Variants in EPHA3 observed in about 807,000 individuals in gnomAD.
The protein encoded by EPHA3 is EPH receptor A3.
In EPHA3, 42 loss-of-function variants were observed where a neutral mutation model predicts 107.1. That is an observed-to-expected ratio of 0.39 (90% CI 0.31 to 0.51). The LOEUF is 0.51. Ranked by LOEUF, EPHA3 falls within the 20% of genes least tolerant of loss-of-function variation. EPHA3 has a pLI of 0.78. For missense variants in EPHA3, 1,183 were observed against 1,211.2 expected, an observed-to-expected ratio of 0.98 and a Z score of 0.35; for synonymous variants, 461 against 424.8, an observed-to-expected ratio of 1.09 and a Z score of -1.05.
intron 5 of EPHA3, among the ~76,000 whole-genome samples, chr3:89,375,043 C>T (rs1271626749): frequency 6.6e-6 from 1 of 151,658 alleles, no homozygotes; most frequent in Non-Finnish European, 1.5e-5. Context: ...GAGGCATCGA[C>T]GTTGCTGGGG....
intron 3 of EPHA3, among the ~76,000 whole-genome samples, chr3:89,339,029 C>G (rs1322837837): frequency 6.6e-6 from 1 of 152,048 alleles, no homozygotes; most frequent in African/African-American, 2.4e-5. Context: ...AATAATAACC[C>G]TGAGATAATA....
chr3:89,466,527 C>T (rs1576392737), intron 15 of EPHA3, among the ~76,000 whole-genome samples: 1 of 133,896 alleles, frequency 7.5e-6, no homozygotes, highest in Admixed American at 7.3e-5. Context: ...GGGATATAGT[C>T]TTGTGGTGCG....
chr3:89,392,165 C>T (rs114192824), intron 5 of EPHA3, among the ~76,000 whole-genome samples: 2,521 of 152,100 alleles, frequency 0.017, 70 homozygotes, highest in African/African-American at 0.056. Context: ...TCCGGAGGGG[C>T]GCAGTGGCTC....
intron 3 of EPHA3, among the ~76,000 whole-genome samples, chr3:89,280,915 G>C (rs1271848569): frequency 6.6e-6 from 1 of 152,062 alleles, no homozygotes; most frequent in Non-Finnish European, 1.5e-5. Flanking sequence ...GCTTAGAATA[G>C]TAGCTTATAA....
chr3:89,297,738 A>G (rs1230945532), intron 3 of EPHA3, among the ~76,000 whole-genome samples: 1 of 152,134 alleles, frequency 6.6e-6, no homozygotes, highest in African/African-American at 2.4e-5. Context: ...TAAGCACAAT[A>G]AAATGAAATA....
At chr3:89,225,561 C>G (rs1292688826) in intron 3 of EPHA3, among the ~76,000 whole-genome samples, 1 of 151,982 alleles carries the variant, frequency 6.6e-6, no homozygotes, top group Non-Finnish European at 1.5e-5. Context: ...GCATTTTTTC[C>G]CCAAATAATT....
intron 5 of EPHA3, among the ~76,000 whole-genome samples, chr3:89,358,589 G>C (rs1419359048): frequency 6.6e-6 from 1 of 151,108 alleles, no homozygotes; most frequent in African/African-American, 2.4e-5. Context: ...GTTTGGCCAA[G>C]AAAAGACAGG....
intron 5 of EPHA3, among the ~76,000 whole-genome samples, chr3:89,365,009 G>A (rs77373730): frequency 0.026 from 3,857 of 150,960 alleles, 191 homozygotes; most frequent in African/African-American, 0.088. Context: ...GTTGTGGTGA[G>A]AGATAATGAT....
chr3:89,300,974 G>A (rs899717430), intron 3 of EPHA3, among the ~76,000 whole-genome samples: 3 of 152,074 alleles, frequency 2.0e-5, no homozygotes, highest in Non-Finnish European at 2.9e-5. Context: ...TACCACAGAT[G>A]TCTTCAGCAC....
intron 3 of EPHA3, among the ~76,000 whole-genome samples, chr3:89,300,627 T>C (rs138779498): frequency 6.6e-6 from 1 of 152,214 alleles, no homozygotes; most frequent in African/African-American, 2.4e-5. Context: ...ATCTGCCCAA[T>C]GTTACTCAGG....
intron 2 of EPHA3, among the ~76,000 whole-genome samples, chr3:89,161,112 C>A (rs73845992): frequency 3.9e-4 from 59 of 152,158 alleles, no homozygotes; most frequent in Non-Finnish European, 6.6e-4. Flanking sequence ...TCTGGTAAGA[C>A]AATTAGAGTG....
intron 10 of EPHA3, among the ~76,000 whole-genome samples, 191 bp from the exon 11 acceptor site, chr3:89,419,014 C>T (rs933273182): frequency 1.3e-5 from 2 of 151,386 alleles, no homozygotes; most frequent in Non-Finnish European, 3.0e-5. Context: ...CAGGGGGTGA[C>T]TATCCTGAGG....
At chr3:89,384,296 G>A (rs1321226307) in intron 5 of EPHA3, among the ~76,000 whole-genome samples, 1 of 152,020 alleles carries the variant, frequency 6.6e-6, no homozygotes. Context: ...GGGGACTCGG[G>A]CTATTAAAAT....
chr3:89,131,485 A>T (rs961832927), intron 2 of EPHA3, among the ~76,000 whole-genome samples: 22 of 152,220 alleles, frequency 1.4e-4, no homozygotes, highest in African/African-American at 5.3e-4. Context: ...GTGTCTATCT[A>T]CCACGTAAAC....
intron 15 of EPHA3, among the ~76,000 whole-genome samples, chr3:89,458,732 A>G (rs1290392147): frequency 6.6e-6 from 1 of 152,228 alleles, no homozygotes; most frequent in Admixed American, 6.5e-5. Context: ...GTGCACACGT[A>G]TGTTTGTTGC....
Position 89,393,678 on chromosome 3 carries a change from A to T in EPHA3, c.1307-2159A>T, listed in dbSNP as rs377737338. ...AAAAATTAGTAGATTTCCTCATTGT[A>T]GAAAATGCAAAATTTGAGTCCAAAG... On this transcript the variant is annotated intron_variant, in intron 5 of 16. Transcript: ENST00000336596. Among the ~76,000 whole-genome samples, 1,066 of 152,324 alleles carry T rather than the reference A, an allele frequency of 7.0e-3. 10 individuals are homozygous for T. Among genetic ancestry groups the T allele is most frequent in the South Asian group, 0.017 (81 of 4,828 alleles).
At chr3:89,287,373 T>G (rs893408876) in intron 3 of EPHA3, among the ~76,000 whole-genome samples, 35 of 152,132 alleles carry the variant, frequency 2.3e-4, no homozygotes, top group Non-Finnish European at 5.0e-4. Flanking sequence ...ATCAGTGTCC[T>G]TTTGGCATTC....
chr3:89,406,069 A>G (rs992990512), intron 7 of EPHA3, among the ~76,000 whole-genome samples: 11 of 152,200 alleles, frequency 7.2e-5, no homozygotes, highest in African/African-American at 2.7e-4. Flanking sequence ...AAAGCATACA[A>G]ATAGAGACCA....
chr3:89,130,716 G>A (rs546046317), intron 2 of EPHA3, among the ~76,000 whole-genome samples: 1 of 150,580 alleles, frequency 6.6e-6, no homozygotes, highest in Admixed American at 6.6e-5. Context: ...CTCACTGCAA[G>A]CTCCGCCTCC....
Sources: gnomAD v4.1 joint callset for allele counts (sites outside exome capture counted in the v4.1 genomes callset) on GRCh38, gnomAD v4.1.1 for gene constraint, MANE v1.5 for transcripts, NCBI Gene and HGNC (gene_info 2026-07-23, HGNC 2026-07-21) for gene names.